PLCB4: variants seen among roughly 807,000 people sequenced by gnomAD.
PLCB4 encodes the protein phospholipase C beta 4.
PLCB4 carries 77 observed loss-of-function variants against 178.8 expected under a neutral mutation model. The observed-to-expected ratio is 0.43, with a 90% CI of 0.36 to 0.52. PLCB4 has a LOEUF of 0.52. Among genes scored for constraint, PLCB4 ranks in the 20% least tolerant of loss-of-function variants. The pLI, the probability that PLCB4 is intolerant of heterozygous loss-of-function variation, is 0.00. For synonymous variants in PLCB4, 496 were observed against 490.8 expected, an observed-to-expected ratio of 1.01 and a Z score of -0.14; for missense variants, 1,024 against 1,453.4, an observed-to-expected ratio of 0.70 and a Z score of 4.80.
At position 9,154,235 on chromosome 20, in the gene PLCB4, C is replaced by A. The variant is rs943791431; in HGVS notation, c.-79+57893C>A. On this transcript the variant is annotated intron_variant, in intron 2 of 39. Coordinates refer to ENST00000378473, the MANE Select transcript of PLCB4 (RefSeq NM_001377142.1). ...CATCTTACTCTTAAGTTCCATATAA[C>A]ACTTTAAAAAAATTTTTCTTGACCA... 6.8e-4 allele frequency among the ~76,000 whole-genome samples: 104 copies of A among 152,230 alleles called. 1 individual carries two copies. Among genetic ancestry groups the A allele is most frequent in the African/African-American group, 2.2e-3 (92 of 41,528 alleles).
intron 4 of PLCB4, among the ~76,000 whole-genome samples, chr20:9,313,828 T>A (rs1206965318): frequency 6.6e-6 from 1 of 152,192 alleles, no homozygotes; most frequent in Admixed American, 6.5e-5. Context: ...GCTTTCAGCA[T>A]GTGGCCCTGA....
chr20:9,220,932 C>G (rs2093790482), intron 3 of PLCB4, among the ~76,000 whole-genome samples: 1 of 152,148 alleles, frequency 6.6e-6, no homozygotes, highest in African/African-American at 2.4e-5. Context: ...TACAGAAGCT[C>G]TTATCCATGG....
At chr20:9,325,905 C>T (rs1448377125) in intron 4 of PLCB4, among the ~76,000 whole-genome samples, 1 of 152,134 alleles carries the variant, frequency 6.6e-6, no homozygotes, top group Non-Finnish European at 1.5e-5. Flanking sequence ...CACATTTATC[C>T]CTCACACTTC....
intron 3 of PLCB4, among the ~76,000 whole-genome samples, chr20:9,256,687 C>G (rs554338148): frequency 6.6e-6 from 1 of 152,324 alleles, no homozygotes; most frequent in South Asian, 2.1e-4. Flanking sequence ...CCTTGAGGAA[C>G]ATATCTTTTT....
At chr20:9,408,164 GC>G (rs1384089523) in intron 22 of PLCB4, 106 bp downstream of exon 22, 119 of 913,782 alleles carry the variant, frequency 1.3e-4, no homozygotes, top group Non-Finnish European at 1.8e-4. Flanking sequence ...GGGCATGGGG[GC>G]TGTTCCACCT....
chr20:9,459,229 A>G (rs1349882719), intron 34 of PLCB4, among the ~76,000 whole-genome samples: 1 of 152,156 alleles, frequency 6.6e-6, no homozygotes, highest in Non-Finnish European at 1.5e-5. Context: ...CTGTAATCCC[A>G]GCTACTTGGG....
intron 3 of PLCB4, among the ~76,000 whole-genome samples, chr20:9,235,289 A>G (rs2093981067): frequency 6.6e-6 from 1 of 152,218 alleles, no homozygotes; most frequent in Non-Finnish European, 1.5e-5. Context: ...GATGTCAAGC[A>G]AATGCACATA....
At chr20:9,266,797 T>G (rs770771923) in intron 3 of PLCB4, among the ~76,000 whole-genome samples, 2 of 152,168 alleles carry the variant, frequency 1.3e-5, no homozygotes, top group Non-Finnish European at 2.9e-5. Flanking sequence ...CATTGCTACA[T>G]TTCTATATTT....
intron 27 of PLCB4, among the ~76,000 whole-genome samples, chr20:9,423,062 A>G (rs2040755153): frequency 6.6e-6 from 1 of 152,158 alleles, no homozygotes. Flanking sequence ...CTGCTATCTG[A>G]ACTCAGATTT....
intron 2 of PLCB4, among the ~76,000 whole-genome samples, chr20:9,134,972 C>T (rs1184554694): frequency 6.6e-6 from 1 of 152,004 alleles, no homozygotes; most frequent in Non-Finnish European, 1.5e-5. Context: ...AGTAGGTAAG[C>T]ACTGCTGTAG....
intron 32 of PLCB4, among the ~76,000 whole-genome samples, chr20:9,444,783 C>G (rs1416941777): frequency 6.6e-6 from 1 of 151,906 alleles, no homozygotes; most frequent in Non-Finnish European, 1.5e-5. Flanking sequence ...AAAATTATTT[C>G]ACTAATAACA....
intron 2 of PLCB4, among the ~76,000 whole-genome samples, chr20:9,158,592 T>TA (rs1299148616): frequency 6.6e-6 from 1 of 151,312 alleles, no homozygotes; most frequent in East Asian, 1.9e-4. Flanking sequence ...TTTTTTTTTT[T>TA]AACCGTACAA....
At chr20:9,355,995 G>T (rs2034781306) in intron 7 of PLCB4, among the ~76,000 whole-genome samples, 1 of 152,012 alleles carries the variant, frequency 6.6e-6, no homozygotes, top group Non-Finnish European at 1.5e-5. Flanking sequence ...CATTCTAACT[G>T]GTGTGAGATG....
Position 9,208,717 on chromosome 20 carries a change from T to C in PLCB4, c.-78-8673T>C, listed in dbSNP as rs148275386. On this transcript the variant is annotated intron_variant, in intron 2 of 39. Coordinates refer to ENST00000378473, the MANE Select transcript of PLCB4 (RefSeq NM_001377142.1). ...ACCATTTCTGGCTAATTTTCTGTAT[T>C]TTGTGTAGAGATGGAGTCTCACTAT... is the stretch of plus-strand genomic sequence containing the variant. Among the ~76,000 whole-genome samples the C allele has an allele frequency of 1.8e-3, 276 of 152,232 alleles. 2 individuals carry two copies. The highest frequency in any genetic ancestry group is 0.014 in the Middle Eastern group (4 of 294).
intron 7 of PLCB4, among the ~76,000 whole-genome samples, chr20:9,356,656 T>G (rs1444295242): frequency 2.0e-5 from 3 of 152,218 alleles, no homozygotes; most frequent in Non-Finnish European, 4.4e-5. Flanking sequence ...GAATGCCCTT[T>G]AGGTCTTAAC....
intron 30 of PLCB4, among the ~76,000 whole-genome samples, chr20:9,442,245 CT>C (rs1287528893): frequency 6.6e-6 from 1 of 152,188 alleles, no homozygotes; most frequent in Non-Finnish European, 1.5e-5. Context: ...ATTTCAGGTG[CT>C]CAAGAGCCAC....
chr20:9,434,892 C>G (rs1008395848), intron 28 of PLCB4, among the ~76,000 whole-genome samples: 4 of 152,008 alleles, frequency 2.6e-5, no homozygotes, highest in African/African-American at 9.7e-5. Context: ...AATAATTTTG[C>G]CTTCTATAGT....
intron 12 of PLCB4, among the ~76,000 whole-genome samples, chr20:9,373,950 G>A (rs548436996): frequency 6.6e-6 from 1 of 152,206 alleles, no homozygotes; most frequent in African/African-American, 2.4e-5. Context: ...AGTGAAGGAT[G>A]GACAGTATGC....
At chr20:9,398,808 C>A (rs13041251) in intron 19 of PLCB4, among the ~76,000 whole-genome samples, 8,072 of 152,074 alleles carry the variant, frequency 0.053, 245 homozygotes, top group Middle Eastern at 0.11. Flanking sequence ...GGTATTATTA[C>A]ACCAATTTTT....
Sources: gnomAD v4.1 joint callset for allele counts (sites outside exome capture counted in the v4.1 genomes callset) on GRCh38, gnomAD v4.1.1 for gene constraint, MANE v1.5 for transcripts, NCBI Gene and HGNC (gene_info 2026-07-23, HGNC 2026-07-21) for gene names.